The following MARCHF4 variants were observed in gnomAD, a reference collection of about 807,000 sequenced individuals.
The protein encoded by MARCHF4 is E3 ubiquitin-protein ligase MARCHF4.
Under a neutral mutation model 43.9 loss-of-function variants are expected in MARCHF4, and 14 were observed. The observed-to-expected ratio is 0.32, with a 90% CI of 0.21 to 0.50. MARCHF4 has a LOEUF of 0.50. Ranked by LOEUF, MARCHF4 falls within the 20% of genes least tolerant of loss-of-function variation. The pLI, the probability that MARCHF4 is intolerant of heterozygous loss-of-function variation, is 0.98. For synonymous variants in MARCHF4, 226 were observed against 213.3 expected (o/e 1.06, Z -0.52); for missense variants, 468 against 536.7 (o/e 0.87, Z 1.27).
chr2:216,281,823 T>C (rs1213677533), intron 2 of MARCHF4, among the ~76,000 whole-genome samples: 4 of 152,202 alleles, frequency 2.6e-5, no homozygotes, highest in African/African-American at 9.7e-5. Flanking sequence ...CTCAGGAATA[T>C]ATCCATATGG....
chr2:216,274,096 C>T lies in MARCHF4; in HGVS notation c.865+3576G>A, dbSNP rs560974848. The stretch of plus-strand genomic sequence containing the variant: ...GGGAGCCTGTGGCTTTGGGCTTCCC[C>T]GAGCACAGTGACCTGAACTGAGTAT... On this transcript the variant is annotated intron_variant, in intron 3 of 3. Coordinates refer to ENST00000273067, the MANE Select transcript of MARCHF4 (RefSeq NM_020814.3). 6.6e-5 allele frequency among the ~76,000 whole-genome samples: 10 copies of T among 152,308 alleles called. No homozygotes were observed. In the South Asian group the frequency reaches 1.9e-3, roughly 28 times the overall value.
Position 216,283,658 on chromosome 2 carries a change from C to CCACTTGATGAGGCAAGGCTGGTGTGTG in MARCHF4, c.561_587dup (p.Cys187_Lys195dup). On this transcript the variant is annotated inframe_insertion, in exon 2 of 4. Transcript: ENST00000273067. Reference sequence around the variant, plus strand: ...AGCTCCAGCAGCCCCGCTCGCTGATCCACTTGATGAGGCAAGGCTGGTGTG... The same window carrying CCACTTGATGAGGCAAGGCTGGTGTGTG: ...AGCTCCAGCAGCCCCGCTCGCTGATCCACTTGATGAGGCAAGGCTGGTGTGTGCACTTGATGAGGCAAGGCTGGTGTG... 1 of 1,613,746 alleles carries CCACTTGATGAGGCAAGGCTGGTGTGTG rather than the reference C, an allele frequency of 6.2e-7. No individual in the cohort carries two copies. Among genetic ancestry groups the CCACTTGATGAGGCAAGGCTGGTGTGTG allele is most frequent in the Non-Finnish European group, 8.5e-7 (1 of 1,179,628 alleles).
chr2:216,319,382 C>A (rs1691843213), intron 1 of MARCHF4, among the ~76,000 whole-genome samples: 1 of 152,072 alleles, frequency 6.6e-6, no homozygotes, highest in Non-Finnish European at 1.5e-5. Context: ...GCTTCTGTAT[C>A]CCCAGTGTTT....
chr2:216,359,969 T>C (rs1362521056), intron 1 of MARCHF4, among the ~76,000 whole-genome samples: 1 of 152,168 alleles, frequency 6.6e-6, no homozygotes, highest in Admixed American at 6.5e-5. Context: ...CCTCTGTTCC[T>C]TGTTCCAGAA....
intron 1 of MARCHF4, among the ~76,000 whole-genome samples, chr2:216,337,444 G>A (rs907421268): frequency 2.6e-5 from 4 of 152,196 alleles, no homozygotes; most frequent in African/African-American, 9.7e-5. Flanking sequence ...CCATATGCAT[G>A]TGACTGAGTG....
intron 1 of MARCHF4, among the ~76,000 whole-genome samples, chr2:216,349,032 G>T (rs969347760): frequency 6.6e-6 from 1 of 151,904 alleles, no homozygotes; most frequent in African/African-American, 2.4e-5. Context: ...CAGTGATTTT[G>T]CCAACTATCG....
At chr2:216,297,105 G>A (rs957276152) in intron 1 of MARCHF4, among the ~76,000 whole-genome samples, 13 of 152,210 alleles carry the variant, frequency 8.5e-5, no homozygotes, top group African/African-American at 1.7e-4. Flanking sequence ...TTACTATGGC[G>A]TGTGAATAGA....
At chr2:216,305,492 G>A (rs555686618) in intron 1 of MARCHF4, among the ~76,000 whole-genome samples, 2 of 152,048 alleles carry the variant, frequency 1.3e-5, no homozygotes, top group Non-Finnish European at 2.9e-5. Context: ...CGGCTCTAAC[G>A]CTAAGACAAA....
intron 1 of MARCHF4, among the ~76,000 whole-genome samples, chr2:216,364,149 T>C (rs1166050275): frequency 6.6e-6 from 1 of 152,158 alleles, no homozygotes; most frequent in East Asian, 1.9e-4. Flanking sequence ...CTATCGAAGG[T>C]ACTGCCCTGT....
At chr2:216,328,353 G>A (rs1207263799) in intron 1 of MARCHF4, among the ~76,000 whole-genome samples, 1 of 152,172 alleles carries the variant, frequency 6.6e-6, no homozygotes, top group Admixed American at 6.5e-5. Flanking sequence ...TTTTAGTAGA[G>A]ACGGGGTTTC....
intron 1 of MARCHF4, among the ~76,000 whole-genome samples, chr2:216,355,177 G>A (rs1403375848): frequency 6.6e-6 from 1 of 151,848 alleles, no homozygotes; most frequent in African/African-American, 2.4e-5. Context: ...TCACTATGTT[G>A]GTCAGGCTGG....
chr2:216,283,548 C>T (rs377190423), intron 2 of MARCHF4, 26 bp downstream of exon 2: 1 of 1,566,180 alleles, frequency 6.4e-7, no homozygotes, highest in Non-Finnish European at 8.7e-7. Context: ...GGCCCAGCAA[C>T]CCCACCAGGC....
At chr2:216,298,231 C>T (rs1691428384) in intron 1 of MARCHF4, among the ~76,000 whole-genome samples, 1 of 143,920 alleles carries the variant, frequency 6.9e-6, no homozygotes, top group African/African-American at 2.6e-5. Flanking sequence ...ACTTTTTTTC[C>T]AGACTACTTT....
At chr2:216,287,246 C>A (rs1449402329) in intron 1 of MARCHF4, among the ~76,000 whole-genome samples, 1 of 152,130 alleles carries the variant, frequency 6.6e-6, no homozygotes, top group African/African-American at 2.4e-5. Flanking sequence ...GAACTGAGCA[C>A]ATCAGCGATG....
intron 1 of MARCHF4, chr2:216,303,700 G>A (rs1331092669): frequency 6.6e-6 from 1 of 152,220 alleles, no homozygotes; most frequent in Non-Finnish European, 1.5e-5. Context: ...CACCTGCCAA[G>A]TGAGCAAGTC....
At chr2:216,260,425 C>T (rs207870) in intron 3 of MARCHF4, among the ~76,000 whole-genome samples, 89,512 of 152,054 alleles carry the variant, frequency 0.59, 29,595 homozygotes, top group Non-Finnish European at 0.75. Flanking sequence ...GCTGCAGGCA[C>T]TGAGATCCTG....
At chr2:216,365,111 C>T (rs79967326) in intron 1 of MARCHF4, among the ~76,000 whole-genome samples, 43 of 152,302 alleles carry the variant, frequency 2.8e-4, no homozygotes, top group African/African-American at 1.0e-3. Flanking sequence ...AGTAAGTACA[C>T]CATTTAAGTC....
At chr2:216,347,090 C>T (rs1425183383) in intron 1 of MARCHF4, among the ~76,000 whole-genome samples, 2 of 152,192 alleles carry the variant, frequency 1.3e-5, no homozygotes, top group East Asian at 3.8e-4. Context: ...CTGAGGCCTC[C>T]TCAGCCACGT....
intron 3 of MARCHF4, among the ~76,000 whole-genome samples, chr2:216,273,478 G>T (rs1242761608): frequency 1.3e-5 from 2 of 152,180 alleles, no homozygotes; most frequent in Non-Finnish European, 2.9e-5. Flanking sequence ...CATCCGAGGA[G>T]CTTGGGCTTA....
Sources: allele counts gnomAD v4.1 joint callset (sites outside exome capture counted in the v4.1 genomes callset), GRCh38; gene constraint gnomAD v4.1.1; transcripts MANE v1.5; gene names NCBI Gene and HGNC (gene_info 2026-07-23, HGNC 2026-07-21).